The following PDE4B variants were observed in gnomAD, a reference collection of about 807,000 sequenced individuals.
PDE4B encodes the protein 3',5'-cyclic-AMP phosphodiesterase 4B.
A neutral mutation model predicts 82.2 loss-of-function variants in PDE4B; 20 were observed. The observed-to-expected ratio is 0.24, with a 90% CI of 0.17 to 0.35. PDE4B has a LOEUF of 0.35. Ranked by LOEUF, PDE4B falls within the 10% of genes least tolerant of loss-of-function variation. The probability of loss-of-function intolerance (pLI) is 1.00; values close to 1 mark genes in which losing one functional copy is unlikely to be tolerated. For missense variants in PDE4B, 655 were observed against 907.2 expected, an observed-to-expected ratio of 0.72 and a Z score of 3.57; for synonymous variants, 320 against 318.9, an observed-to-expected ratio of 1.00 and a Z score of -0.04.
intron 3 of PDE4B, among the ~76,000 whole-genome samples, chr1:65,958,764 G>A (rs6696340): frequency 0.52 from 79,016 of 150,954 alleles, 21,452 homozygotes; most frequent in African/African-American, 0.69. Context: ...GCGCGCGCGC[G>A]CACACACATA....
chr1:65,985,294 C>T lies in PDE4B; in HGVS notation c.281+66459C>T, dbSNP rs189922771. Reference sequence around the variant, plus strand: ...CTGCATATTGTTCTTTTTTTAAGAGCAGTGGAGTGGATTTGATTTAATATT... The same window carrying T: ...CTGCATATTGTTCTTTTTTTAAGAGTAGTGGAGTGGATTTGATTTAATATT... On this transcript the variant is annotated intron_variant, in intron 3 of 16. Transcript: ENST00000341517. Among the ~76,000 whole-genome samples the T allele has an allele frequency of 3.3e-5, 5 of 152,094 alleles. No homozygotes were observed. The South Asian group carries it at 1.0e-3, about 32-fold the overall frequency.
intron 12 of PDE4B, among the ~76,000 whole-genome samples, chr1:66,364,316 G>T (rs1214434541): frequency 2.6e-5 from 4 of 152,146 alleles, no homozygotes; most frequent in Non-Finnish European, 4.4e-5. Flanking sequence ...TAGAACAGAA[G>T]AATTAATGAT....
At chr1:65,833,552 C>G (rs1646106051) in intron 1 of PDE4B, among the ~76,000 whole-genome samples, 2 of 152,316 alleles carry the variant, frequency 1.3e-5, no homozygotes, top group South Asian at 4.1e-4. Context: ...AGTGTTAAAG[C>G]ACCGATTGGT....
chr1:66,303,370 TAC>T (rs1018707530), intron 7 of PDE4B, among the ~76,000 whole-genome samples: 23 of 130,804 alleles, frequency 1.8e-4, no homozygotes, highest in African/African-American at 5.7e-4. Flanking sequence ...TATATATATA[TAC>T]ACACACACAG....
At chr1:65,930,378 G>C (rs1647764004) in intron 3 of PDE4B, among the ~76,000 whole-genome samples, 1 of 152,176 alleles carries the variant, frequency 6.6e-6, no homozygotes, top group Non-Finnish European at 1.5e-5. Context: ...CCATCACAGA[G>C]GGCCACTGTT....
chr1:66,086,429 C>CCAGG (rs1348277902), intron 3 of PDE4B, among the ~76,000 whole-genome samples: 1 of 152,030 alleles, frequency 6.6e-6, no homozygotes, highest in Non-Finnish European at 1.5e-5. Context: ...AGCCACCTGG[C>CCAGG]CAGGGCTGGG....
chr1:65,917,752 G>A (rs1041923903), intron 2 of PDE4B, among the ~76,000 whole-genome samples: 1 of 152,018 alleles, frequency 6.6e-6, no homozygotes, highest in Admixed American at 6.6e-5. Context: ...CTTTTTCTGA[G>A]TTCTTACACA....
intron 3 of PDE4B, among the ~76,000 whole-genome samples, chr1:66,189,424 G>A (rs1483947352): frequency 6.6e-6 from 1 of 152,220 alleles, no homozygotes; most frequent in Non-Finnish European, 1.5e-5. Flanking sequence ...ATCCTGCAGA[G>A]TGTTTTCCAA....
intron 6 of PDE4B, among the ~76,000 whole-genome samples, chr1:66,265,382 G>A (rs1366360409): frequency 6.6e-6 from 1 of 152,134 alleles, no homozygotes. Flanking sequence ...GAAAGGAAAA[G>A]AAACAAGAAA....
chr1:66,256,758 G>C (rs953905868), intron 4 of PDE4B, among the ~76,000 whole-genome samples: 27 of 152,298 alleles, frequency 1.8e-4, no homozygotes, highest in African/African-American at 6.5e-4. Context: ...GTGTGACAAT[G>C]ATGAGGACAG....
chr1:66,363,849 T>C (rs1663017775), intron 12 of PDE4B, among the ~76,000 whole-genome samples: 1 of 152,198 alleles, frequency 6.6e-6, no homozygotes, highest in Non-Finnish European at 1.5e-5. Context: ...TAGACCACCC[T>C]GCATACTTGA....
intron 3 of PDE4B, among the ~76,000 whole-genome samples, chr1:66,002,492 A>T (rs1298981994): frequency 6.6e-6 from 1 of 152,032 alleles, no homozygotes; most frequent in Non-Finnish European, 1.5e-5. Context: ...TCATTTCTTA[A>T]AATGGTTTCT....
At chr1:66,009,963 T>TCATCTAC (rs1652392425) in intron 3 of PDE4B, among the ~76,000 whole-genome samples, 1 of 151,788 alleles carries the variant, frequency 6.6e-6, no homozygotes, top group African/African-American at 2.4e-5. Flanking sequence ...CATCTATCTA[T>TCATCTAC]CTAATCTTTG....
At chr1:65,942,324 A>T (rs534194423) in intron 3 of PDE4B, among the ~76,000 whole-genome samples, 6 of 151,880 alleles carry the variant, frequency 4.0e-5, no homozygotes, top group African/African-American at 1.4e-4. Flanking sequence ...AATGTCCTCC[A>T]TGTCCATCCA....
intron 2 of PDE4B, among the ~76,000 whole-genome samples, chr1:65,915,168 G>A (rs919448784): frequency 2.6e-5 from 4 of 152,084 alleles, no homozygotes; most frequent in Non-Finnish European, 4.4e-5. Flanking sequence ...TCTAATCACA[G>A]AAATTATATG....
At chr1:66,010,574 T>G (rs1652428941) in intron 3 of PDE4B, among the ~76,000 whole-genome samples, 1 of 151,090 alleles carries the variant, frequency 6.6e-6, no homozygotes, top group African/African-American at 2.4e-5. Flanking sequence ...ATATTATTTT[T>G]ATTTCTTTCC....
At chr1:65,916,256 A>G (rs1185400562) in intron 2 of PDE4B, among the ~76,000 whole-genome samples, 1 of 152,192 alleles carries the variant, frequency 6.6e-6, no homozygotes, top group Non-Finnish European at 1.5e-5. Flanking sequence ...AACTTAAAGA[A>G]TATTTCAAAT....
intron 7 of PDE4B, chr1:66,267,522 A>T (rs1253939588): frequency 6.6e-6 from 1 of 152,222 alleles, no homozygotes; most frequent in Admixed American, 6.5e-5. Flanking sequence ...GAGAATATGT[A>T]CAATTTATGG....
At chr1:66,316,427 G>C (rs372587655) in intron 7 of PDE4B, among the ~76,000 whole-genome samples, 2 of 152,142 alleles carry the variant, frequency 1.3e-5, no homozygotes, top group Non-Finnish European at 2.9e-5. Flanking sequence ...ATTGCCTTAG[G>C]CATCTATAAT....
Sources: allele counts gnomAD v4.1 joint callset (sites outside exome capture counted in the v4.1 genomes callset), GRCh38; gene constraint gnomAD v4.1.1; transcripts MANE v1.5; gene names NCBI Gene and HGNC (gene_info 2026-07-23, HGNC 2026-07-21).